Variants in ACTN4 observed in about 807,000 individuals in gnomAD.
ACTN4 encodes the protein alpha-actinin-4.
A neutral mutation model predicts 114.2 loss-of-function variants in ACTN4; 18 were observed. That is an observed-to-expected ratio of 0.16 (90% CI 0.11 to 0.23). The LOEUF (loss-of-function observed/expected upper bound fraction) is 0.23. Among genes scored for constraint, ACTN4 ranks in the 10% least tolerant of loss-of-function variants. The pLI, the probability that ACTN4 is intolerant of heterozygous loss-of-function variation, is 1.00. For missense variants in ACTN4, 722 were observed against 1,262.9 expected (o/e 0.57, Z 6.49); for synonymous variants, 515 against 506.3 (o/e 1.02, Z -0.23).
chr19:38,677,611 A>AGCTGACCCTACACTAAGCT (rs11270068), intron 1 of ACTN4, among the ~76,000 whole-genome samples: 97,411 of 151,740 alleles, frequency 0.64, 31,964 homozygotes, highest in South Asian at 0.83. Context: ...CCCATCTAAA[A>AGCTGACCCTACACTAAGCT]GTGTGCTCTG....
rs937541359 is a variant in ACTN4, at chr19:38,700,887, C to A, written c.278-115C>A. ...GGGCCAGAGTGGCCTGGTGGGCCAG[C>A]AGAGGAACCTGCTTTTGGAGAACAG... On this transcript the variant is annotated intron_variant, in intron 2 of 20. Coordinates refer to ENST00000252699, the MANE Select transcript of ACTN4 (RefSeq NM_004924.6). 63 of 1,497,264 alleles carry A rather than the reference C, an allele frequency of 4.2e-5. No homozygotes were observed. The African/African-American group carries it at 7.2e-4, about 17-fold the overall frequency. The allele number at this position is 1,497,264 out of a possible 1,614,324, so 92.7% of individuals were successfully genotyped here.
At chr19:38,703,449 G>C (rs1968351386) in intron 3 of ACTN4, among the ~76,000 whole-genome samples, 1 of 152,020 alleles carries the variant, frequency 6.6e-6, no homozygotes, top group Admixed American at 6.6e-5. Context: ...TCTTGGCCGG[G>C]CTGGTCTCGA....
intron 1 of ACTN4, among the ~76,000 whole-genome samples, chr19:38,686,262 G>C (rs1305405100): frequency 1.3e-5 from 2 of 152,136 alleles, no homozygotes; most frequent in African/African-American, 4.8e-5. Context: ...CTAAAGACTG[G>C]GCCCCTTAGG....
At chr19:38,721,098 A>G (rs1323879751) in intron 11 of ACTN4, among the ~76,000 whole-genome samples, 3 of 152,236 alleles carry the variant, frequency 2.0e-5, no homozygotes, top group African/African-American at 7.2e-5. Context: ...GTGCAGGGTC[A>G]GGGTCCTAGA....
At chr19:38,684,157 G>A (rs991942942) in intron 1 of ACTN4, 3 of 152,262 alleles carry the variant, frequency 2.0e-5, no homozygotes, top group African/African-American at 4.8e-5. Flanking sequence ...TAAAATTAGA[G>A]CACGCAGAAC....
chr19:38,673,547 T>TTATATAAA (rs1568689805), intron 1 of ACTN4, among the ~76,000 whole-genome samples: 3 of 88,236 alleles, frequency 3.4e-5, no homozygotes, highest in Non-Finnish European at 7.2e-5. Context: ...TTATATATAT[T>TTATATAAA]TATATATACT....
chr19:38,696,459 A>G (rs1275042269), intron 1 of ACTN4, among the ~76,000 whole-genome samples: 1 of 152,152 alleles, frequency 6.6e-6, no homozygotes, highest in Non-Finnish European at 1.5e-5. Context: ...CACCCCACGC[A>G]GCGTAGTCTA....
chr19:38,673,474 T>TA (rs1491529819), intron 1 of ACTN4, among the ~76,000 whole-genome samples: 1 of 75,712 alleles, frequency 1.3e-5, no homozygotes, highest in African/African-American at 4.2e-5. Flanking sequence ...TTTATATATA[T>TA]TTATATATAT....
chr19:38,701,223 G>T, intron 3 of ACTN4, 102 bp downstream of exon 3: 1 of 1,573,508 alleles, frequency 6.4e-7, no homozygotes, highest in South Asian at 1.1e-5. Flanking sequence ...TGGTGGCAGG[G>T]CGCTTGGGGC....
At chr19:38,648,092 T>G in intron 1 of ACTN4, 185 bp downstream of exon 1, 1 of 629,748 alleles carries the variant, frequency 1.6e-6, no homozygotes, top group Non-Finnish European at 2.4e-6. Context: ...AGGAAGGAAT[T>G]GGGAATCTGA....
intron 1 of ACTN4, 21 bp downstream of exon 1, chr19:38,647,928 A>G: frequency 1.4e-6 from 2 of 1,396,724 alleles, no homozygotes; most frequent in Non-Finnish European, 1.9e-6. Flanking sequence ...CGCGGGCCGG[A>G]CGGGCTGGAG....
At chr19:38,677,287 A>G (rs963936495) in intron 1 of ACTN4, among the ~76,000 whole-genome samples, 1 of 152,166 alleles carries the variant, frequency 6.6e-6, no homozygotes, top group East Asian at 1.9e-4. Flanking sequence ...TTTGTTCACC[A>G]CTGTGTCCCT....
At chr19:38,695,386 C>T (rs1203703234) in intron 1 of ACTN4, among the ~76,000 whole-genome samples, 1 of 152,176 alleles carries the variant, frequency 6.6e-6, no homozygotes, top group Admixed American at 6.5e-5. Flanking sequence ...TTTTGCCTTT[C>T]CCTCCTCCCA....
chr19:38,650,797 G>A (rs80087997), intron 1 of ACTN4, among the ~76,000 whole-genome samples: 10 of 152,234 alleles, frequency 6.6e-5, no homozygotes, highest in South Asian at 2.1e-4. Context: ...TTGCCCGGGC[G>A]TGATCTTGGC....
rs1047028189 is a variant in ACTN4, at chr19:38,727,798, T to C, written c.2338-148T>C. On this transcript the variant is annotated intron_variant, in intron 18 of 20. Transcript: ENST00000252699. The surrounding 1 kb of genome is among the most constrained non-coding windows in gnomAD (Gnocchi z 5.4). ...TGCCGCCCCCGACCCCACGTGTCCC[T>C]GGCCATCTCCTTGTCCATGTTGCCT... The C allele has an allele frequency of 4.1e-6, 3 of 739,734 alleles. No homozygotes were observed. Among genetic ancestry groups the C allele is most frequent in the South Asian group, 1.7e-5 (1 of 59,678 alleles). The allele number at this position is 739,734 out of a possible 1,614,324, so 45.8% of individuals were successfully genotyped here.
chr19:38,673,784 ATTTT>A (rs58144950), intron 1 of ACTN4, among the ~76,000 whole-genome samples: 2 of 67,842 alleles, frequency 2.9e-5, no homozygotes, highest in South Asian at 4.0e-4. Context: ...TATATGTATA[ATTTT>A]TTTTTTTTTT....
chr19:38,730,939 C>T lies in ACTN4; in HGVS notation c.*1507C>T, dbSNP rs774363910. On this transcript the variant is annotated 3_prime_UTR_variant, in exon 21 of 21. Transcript: ENST00000252699. ...GGAGCTCGCAGGACAGAGCCTGAGCCACCCTGTCCCTCCCACCTGGCTCAC... is the reference window on the plus strand; with the variant it reads ...GGAGCTCGCAGGACAGAGCCTGAGCTACCCTGTCCCTCCCACCTGGCTCAC... 1.3e-6 allele frequency: 2 copies of T among 1,550,526 alleles called. No homozygotes were observed. Among genetic ancestry groups the T allele is most frequent in the Middle Eastern group, 1.7e-4 (1 of 5,992 alleles).
rs900312681 is a variant in ACTN4, at chr19:38,724,461, G to T, written c.1906G>T (p.Ala636Ser). ...VQQLVPKRDHALLEEQSKQQS... is the reference protein window; with the variant it reads ...VQQLVPKRDHSLLEEQSKQQS... ...GCAGCTGGTGCCAAAACGGGACCATGCCCTCCTGGAGGAGCAGAGCAAGCA... is the reference window on the plus strand; with the variant it reads ...GCAGCTGGTGCCAAAACGGGACCATTCCCTCCTGGAGGAGCAGAGCAAGCA... The change falls in exon 16 of 21, where the codon GCC becomes TCC. Residue 636 changes from alanine (A) to serine (S), a missense_variant. Ala to Ser is a moderately conservative substitution (Grantham distance 99). Around this residue, in one of 3 missense-constraint regions of ACTN4, gnomAD observed 523 missense variants for 875.9 expected, o/e 0.60. Coordinates refer to ENST00000252699, the MANE Select transcript of ACTN4 (RefSeq NM_004924.6). The surrounding 1 kb of genome is among the most constrained non-coding windows in gnomAD (Gnocchi z 7.0). 4 of 1,613,446 alleles carry T rather than the reference G, an allele frequency of 2.5e-6. No individual in the cohort carries two copies. Among genetic ancestry groups the T allele is most frequent in the Middle Eastern group, 3.3e-4 (2 of 6,082 alleles).
At position 38,700,795 on chromosome 19, in the gene ACTN4, C is replaced by T. The variant is rs1343923571; in HGVS notation, c.277+81C>T. On this transcript the variant is annotated intron_variant, in intron 2 of 20. Transcript: ENST00000252699. ...GCGGTCCCCAGAGACCCTGCCCACCCAGCTGTCCCATTGCTCCTGGGGAGG... is the reference window on the plus strand; with the variant it reads ...GCGGTCCCCAGAGACCCTGCCCACCTAGCTGTCCCATTGCTCCTGGGGAGG... The T allele has an allele frequency of 2.1e-6, 3 of 1,432,122 alleles. No homozygotes were observed. In the Admixed American group the frequency reaches 5.4e-5, roughly 26 times the overall value. The allele number at this position is 1,432,122 out of a possible 1,614,324, so 88.7% of individuals were successfully genotyped here. A position where few individuals can be genotyped will look rare whatever the true frequency, so the allele number is the denominator to read the frequency against.
Sources: gnomAD v4.1 joint callset for allele counts (sites outside exome capture counted in the v4.1 genomes callset) on GRCh38, gnomAD v4.1.1 for gene constraint, gnomAD v4.1.1 regional missense constraint, Gnocchi (gnomAD v3.1) non-coding constraint, MANE v1.5 for transcripts, NCBI Gene and HGNC (gene_info 2026-07-23, HGNC 2026-07-21) for gene names.